Variants in BPTF observed in about 807,000 individuals in gnomAD.
BPTF encodes nucleosome-remodeling factor subunit BPTF.
Under a neutral mutation model 292.5 loss-of-function variants are expected in BPTF, and 18 were observed. That is an observed-to-expected ratio of 0.06 (90% CI 0.04 to 0.09). The LOEUF (loss-of-function observed/expected upper bound fraction) is 0.09, where lower values mean the gene tolerates loss of function less well. BPTF is among the 10% of genes least tolerant of loss of function. The probability of loss-of-function intolerance (pLI) is 1.00; values close to 1 mark genes in which losing one functional copy is unlikely to be tolerated. For synonymous variants in BPTF, 1,225 were observed against 1,251.9 expected (o/e 0.98, Z 0.45); for missense variants, 2,726 against 3,498.7 (o/e 0.78, Z 5.57).
chr17:67,868,614 G>C lies in BPTF; in HGVS notation c.1660+1927G>C, dbSNP rs557205497. ...GTTTTAGCTTAGATAAAATTATTAG[G>C]TAAGATTCTGAAAGTACACTTTTAA... On this transcript the variant is annotated intron_variant, in intron 3 of 27. Transcript: ENST00000306378. 1.7e-4 allele frequency among the ~76,000 whole-genome samples: 26 copies of C among 152,314 alleles called. 1 individual carries two copies. Among genetic ancestry groups the C allele is most frequent in the African/African-American group, 5.3e-4 (22 of 41,580 alleles).
intron 3 of BPTF, among the ~76,000 whole-genome samples, chr17:67,869,730 T>C (rs2059594444): frequency 6.7e-6 from 1 of 149,464 alleles, no homozygotes; most frequent in Non-Finnish European, 1.5e-5. Context: ...ACGCCTGTAA[T>C]CCCAGCATTT....
In BPTF at chr17:67,896,885, G is replaced by A. The variant is rs146071651; in HGVS notation, c.2543+2720G>A. ...TTAATTAGCTAGGGATACATCTCAA[G>A]GAACCAACCTAAAGAAATAAAATAT... On this transcript the variant is annotated intron_variant, in intron 7 of 27. Transcript: ENST00000306378. Among the ~76,000 whole-genome samples, 3 of 152,104 alleles carry A rather than the reference G, an allele frequency of 2.0e-5. No homozygotes were observed. The East Asian group carries it at 5.8e-4, about 29-fold the overall frequency.
intron 19 of BPTF, among the ~76,000 whole-genome samples, chr17:67,942,560 TC>T (rs2065462471): frequency 6.6e-6 from 1 of 152,156 alleles, no homozygotes; most frequent in African/African-American, 2.4e-5. Flanking sequence ...TTTGGAAACT[TC>T]CTGGACATGG....
intron 1 of BPTF, among the ~76,000 whole-genome samples, chr17:67,842,304 C>A (rs183308318): frequency 6.6e-6 from 1 of 152,292 alleles, no homozygotes; most frequent in Admixed American, 6.5e-5. Flanking sequence ...CTACATCCTT[C>A]TTAAATTTCC....
chr17:67,841,129 C>T (rs1428293596), intron 1 of BPTF, among the ~76,000 whole-genome samples: 1 of 152,018 alleles, frequency 6.6e-6, no homozygotes, highest in African/African-American at 2.4e-5. Flanking sequence ...ATAGTAAGGC[C>T]AGGCATGGTG....
At chr17:67,862,671 A>G (rs141887973) in intron 2 of BPTF, among the ~76,000 whole-genome samples, 111 of 152,268 alleles carry the variant, frequency 7.3e-4, no homozygotes, top group African/African-American at 2.6e-3. Context: ...ACAAAGTACT[A>G]TACCAAAAAA....
intron 9 of BPTF, among the ~76,000 whole-genome samples, chr17:67,906,369 C>T (rs148022265): frequency 7.6e-4 from 115 of 152,212 alleles, no homozygotes; most frequent in African/African-American, 2.5e-3. Flanking sequence ...GTGACCACTG[C>T]GCCTGGCCTA....
At chr17:67,914,606 C>G (rs1455199042) in intron 11 of BPTF, among the ~76,000 whole-genome samples, 2 of 152,174 alleles carry the variant, frequency 1.3e-5, no homozygotes, top group African/African-American at 2.4e-5. Flanking sequence ...TGTACAAATA[C>G]TTTAATTAAA....
At chr17:67,830,795 G>A (rs762606409) in intron 1 of BPTF, among the ~76,000 whole-genome samples, 11 of 152,202 alleles carry the variant, frequency 7.2e-5, no homozygotes, top group Non-Finnish European at 1.6e-4. Context: ...TCAGGCTATA[G>A]CAACTGTACT....
At chr17:67,910,296 A>G (rs751882552) in intron 10 of BPTF, among the ~76,000 whole-genome samples, 4 of 152,170 alleles carry the variant, frequency 2.6e-5, no homozygotes, top group South Asian at 2.1e-4. Flanking sequence ...TCTTTTGGCT[A>G]TACGAATAAT....
intron 24 of BPTF, 35 bp downstream of exon 24, chr17:67,959,910 T>A (rs1555683186): frequency 7.0e-7 from 1 of 1,438,792 alleles, no homozygotes; most frequent in South Asian, 1.5e-5. Flanking sequence ...GTTTTTTGTC[T>A]TGAAAGTTTA....
chr17:67,911,752 G>A lies in BPTF; in HGVS notation c.3868G>A (p.Glu1290Lys). 6.2e-7 allele frequency: 1 copy of A among 1,614,178 alleles called. No homozygotes were observed. The highest frequency in any genetic ancestry group is 8.5e-7 in the Non-Finnish European group (1 of 1,180,032). The change falls in exon 11 of 28, where the codon GAA becomes AAA. Residue 1290 changes from glutamate to lysine, a missense_variant. By Grantham distance (56) the Glu-to-Lys change is moderately conservative. Transcript: ENST00000306378. ...TGACTCTGAATCTAATAGCACTTTG[G>A]AAAATAGTTCTGATACCGTGTCTAT... ...GCDSESNSTL[E>K]NSSDTVSIQD...
At chr17:67,932,911 A>G (rs1412913723) in intron 18 of BPTF, among the ~76,000 whole-genome samples, 1 of 152,110 alleles carries the variant, frequency 6.6e-6, no homozygotes, top group Non-Finnish European at 1.5e-5. Flanking sequence ...AATGTTTAAT[A>G]AAAAGGAAAA....
intron 4 of BPTF, among the ~76,000 whole-genome samples, chr17:67,881,863 T>TG (rs1555632610): frequency 1.5e-4 from 7 of 47,026 alleles, no homozygotes; most frequent in African/African-American, 5.7e-4. Context: ...TTTTTGTTTT[T>TG]TTTTTTTTTT....
chr17:67,897,961 G>T (rs1205804218), intron 7 of BPTF, among the ~76,000 whole-genome samples: 1 of 151,872 alleles, frequency 6.6e-6, no homozygotes, highest in Non-Finnish European at 1.5e-5. Flanking sequence ...GAAAATATTG[G>T]TATGCAGATA....
intron 23 of BPTF, chr17:67,955,315 G>A (rs2066824146): frequency 6.7e-6 from 1 of 148,408 alleles, no homozygotes; most frequent in Admixed American, 6.7e-5. Flanking sequence ...GCTTCCTGAG[G>A]TACTCATGTA....
intron 4 of BPTF, among the ~76,000 whole-genome samples, chr17:67,890,309 A>G (rs1012406144): frequency 2.0e-5 from 3 of 152,140 alleles, no homozygotes; most frequent in African/African-American, 2.4e-5. Context: ...TATCGAGGCT[A>G]CTTCTGATTT....
intron 4 of BPTF, among the ~76,000 whole-genome samples, chr17:67,889,361 A>T (rs1383385298): frequency 6.6e-6 from 1 of 152,160 alleles, no homozygotes; most frequent in African/African-American, 2.4e-5. Context: ...GTTGGCTCTG[A>T]ATTAGGAAGC....
Position 67,826,345 on chromosome 17 carries a change from C to G in BPTF, c.613+8C>G. On this transcript the variant is annotated splice_region_variant and intron_variant, in intron 1 of 27. Transcript: ENST00000306378. Reference sequence around the variant, plus strand: ...CCTACAGCAGCACTCCAGGTACCCACCCAGCCCAGTTGCTGCAGACTCCTT... The same window carrying G: ...CCTACAGCAGCACTCCAGGTACCCAGCCAGCCCAGTTGCTGCAGACTCCTT... The G allele has an allele frequency of 3.1e-6, 5 of 1,601,314 alleles. No individual in the cohort carries two copies. The African/African-American group carries it at 5.4e-5, about 17-fold the overall frequency.
Sources: gnomAD v4.1 joint callset for allele counts (sites outside exome capture counted in the v4.1 genomes callset) on GRCh38, gnomAD v4.1.1 for gene constraint, MANE v1.5 for transcripts, NCBI Gene and HGNC (gene_info 2026-07-23, HGNC 2026-07-21) for gene names.